Variants in FKTN observed in about 807,000 individuals in gnomAD.
FKTN encodes ribitol-5-phosphate transferase FKTN.
A neutral mutation model predicts 58.6 loss-of-function variants in FKTN; 47 were observed. That is an observed-to-expected ratio of 0.80 (90% CI 0.63 to 1.02). FKTN has a LOEUF of 1.02. Among genes scored for constraint, FKTN ranks in the 50% least tolerant of loss-of-function variants. The pLI is 0.00. For missense variants in FKTN, 516 were observed against 537.3 expected (o/e 0.96, Z 0.39); for synonymous variants, 178 against 191.9 (o/e 0.93, Z 0.60).
intron 3 of FKTN, among the ~76,000 whole-genome samples, chr9:105,584,055 C>A (rs1163925842): frequency 1.3e-5 from 2 of 152,166 alleles, no homozygotes; most frequent in Non-Finnish European, 1.5e-5. Context: ...TGAGATTAAA[C>A]CTCATCTATA....
At chr9:105,593,467 TGAA>T (rs1488526010) in intron 3 of FKTN, among the ~76,000 whole-genome samples, 3 of 152,140 alleles carry the variant, frequency 2.0e-5, no homozygotes, top group Non-Finnish European at 4.4e-5. Flanking sequence ...GACATTCAAA[TGAA>T]GAAGGTGAAT....
At position 105,638,743 on chromosome 9, in the gene FKTN, T is replaced by C; in HGVS notation, c.*3479T>C. 1.0e-6 allele frequency: 1 copy of C among 974,864 alleles called. No homozygotes were observed. Among genetic ancestry groups the C allele is most frequent in the East Asian group, 1.1e-4 (1 of 8,776 alleles). The allele number at this position is 974,864 out of a possible 1,614,324, so 60.4% of individuals were successfully genotyped here. ...ACTAGAGTATCTAGTTTTTAGTATT[T>C]AAACTACTTTTAATTATTTATATTG... On this transcript the variant is annotated 3_prime_UTR_variant, in exon 11 of 11. Coordinates refer to ENST00000357998, the MANE Select transcript of FKTN (RefSeq NM_001079802.2).
chr9:105,588,738 A>G (rs558174686), intron 3 of FKTN, among the ~76,000 whole-genome samples: 2 of 152,324 alleles, frequency 1.3e-5, no homozygotes, highest in East Asian at 1.9e-4. Context: ...TAGTATACCT[A>G]TGGAATAAGA....
In FKTN at chr9:105,639,421, A is replaced by G. The variant is rs866574753; in HGVS notation, c.*4157A>G. 8.4e-6 allele frequency: 5 copies of G among 594,768 alleles called. No homozygotes were observed. The highest frequency in any genetic ancestry group is 8.4e-4 in the Middle Eastern group (1 of 1,196). 36.8% of individuals were successfully genotyped at this position (594,768 alleles called of 1,614,324 possible). A position where few individuals can be genotyped will look rare whatever the true frequency, so the allele number is the denominator to read the frequency against. On this transcript the variant is annotated 3_prime_UTR_variant, in exon 11 of 11. Coordinates refer to ENST00000357998, the MANE Select transcript of FKTN (RefSeq NM_001079802.2). ...GGGGGCCCTTTCAGTCTCAATTTCC[A>G]CATTAGTGAACTGGGGAAATGATAC...
chr9:105,602,033 CA>C (rs1827957170), intron 5 of FKTN, among the ~76,000 whole-genome samples: 1 of 152,148 alleles, frequency 6.6e-6, no homozygotes, highest in African/African-American at 2.4e-5. Flanking sequence ...AGTAGGATCA[CA>C]GAATGTGGTA....
intron 10 of FKTN, among the ~76,000 whole-genome samples, chr9:105,629,971 C>T (rs1029690337): frequency 2.6e-5 from 4 of 152,058 alleles, no homozygotes; most frequent in African/African-American, 9.7e-5. Flanking sequence ...CATGTTCTCA[C>T]TTATAGGTGG....
chr9:105,601,055 A>G (rs901312843), intron 4 of FKTN, 90 bp from the exon 5 acceptor site: 2 of 784,040 alleles, frequency 2.6e-6, no homozygotes, highest in Non-Finnish European at 4.3e-6. Flanking sequence ...ACTACTCTGC[A>G]TTCTTATACA....
At chr9:105,606,184 C>A (rs746246545) in intron 6 of FKTN, among the ~76,000 whole-genome samples, 25 of 152,032 alleles carry the variant, frequency 1.6e-4, no homozygotes, top group Non-Finnish European at 3.1e-4. Context: ...ATAGAGGACA[C>A]AGAGAACTAC....
chr9:105,630,415 T>C (rs1833271357), intron 10 of FKTN, among the ~76,000 whole-genome samples: 1 of 152,162 alleles, frequency 6.6e-6, no homozygotes, highest in Non-Finnish European at 1.5e-5. Context: ...AGACAGTGAA[T>C]TAGTAATCCG....
intron 6 of FKTN, among the ~76,000 whole-genome samples, chr9:105,605,657 T>A (rs934705522): frequency 6.6e-6 from 1 of 152,144 alleles, no homozygotes; most frequent in Non-Finnish European, 1.5e-5. Context: ...AAACTTTCCA[T>A]GTTCTCACTT....
At chr9:105,566,420 A>G (rs1280887765) in intron 1 of FKTN, among the ~76,000 whole-genome samples, 2 of 151,904 alleles carry the variant, frequency 1.3e-5, no homozygotes, top group Non-Finnish European at 2.9e-5. Context: ...AATAAAGAAG[A>G]AAAGAGAGAA....
At chr9:105,582,474 G>A (rs989008981) in intron 3 of FKTN, among the ~76,000 whole-genome samples, 12 of 152,198 alleles carry the variant, frequency 7.9e-5, no homozygotes, top group African/African-American at 2.9e-4. Context: ...GGGATTACAA[G>A]TATGGGCTAC....
At chr9:105,599,751 G>A (rs1011203803) in intron 4 of FKTN, among the ~76,000 whole-genome samples, 1 of 152,134 alleles carries the variant, frequency 6.6e-6, no homozygotes, top group African/African-American at 2.4e-5. Flanking sequence ...TGATCCACCT[G>A]CCTTGACCTC....
At chr9:105,625,013 T>G (rs1004171473) in intron 10 of FKTN, among the ~76,000 whole-genome samples, 15 of 152,296 alleles carry the variant, frequency 9.8e-5, no homozygotes, top group Middle Eastern at 6.8e-3. Flanking sequence ...GTTACCTGAT[T>G]CAGTGCTTGG....
chr9:105,577,182 A>T (rs1270101662), intron 3 of FKTN, among the ~76,000 whole-genome samples: 2 of 150,278 alleles, frequency 1.3e-5, no homozygotes, highest in Non-Finnish European at 2.9e-5. Context: ...ATTAGATCCC[A>T]TTTGTCAATT....
At chr9:105,592,480 T>C (rs752511739) in intron 3 of FKTN, among the ~76,000 whole-genome samples, 2 of 151,986 alleles carry the variant, frequency 1.3e-5, no homozygotes, top group African/African-American at 2.4e-5. Flanking sequence ...CTACTAAAAA[T>C]ACAAAAATTA....
chr9:105,586,650 A>G (rs1843962643), intron 3 of FKTN, among the ~76,000 whole-genome samples: 2 of 152,178 alleles, frequency 1.3e-5, no homozygotes, highest in Admixed American at 1.3e-4. Flanking sequence ...GTCCTCATGC[A>G]ATTGTTTGGC....
chr9:105,616,967 G>A (rs547618990), intron 8 of FKTN, among the ~76,000 whole-genome samples: 1 of 151,458 alleles, frequency 6.6e-6, no homozygotes, highest in Non-Finnish European at 1.5e-5. Context: ...TTTATAATGT[G>A]TGTCATCAAA....
chr9:105,614,864 C>CT (rs1305364256), intron 7 of FKTN, among the ~76,000 whole-genome samples: 2 of 150,106 alleles, frequency 1.3e-5, no homozygotes, highest in Non-Finnish European at 3.0e-5. Context: ...GGTTAGTTTT[C>CT]TTTTTTTTCT....
Sources: allele counts gnomAD v4.1 joint callset (sites outside exome capture counted in the v4.1 genomes callset), GRCh38; gene constraint gnomAD v4.1.1; transcripts MANE v1.5; gene names NCBI Gene and HGNC (gene_info 2026-07-23, HGNC 2026-07-21).